ADGRV1: variants seen among roughly 807,000 people sequenced by gnomAD.
The protein encoded by ADGRV1 is G-protein coupled receptor 98.
ADGRV1 carries 359 observed loss-of-function variants against 596.2 expected under a neutral mutation model. The observed-to-expected ratio is 0.60, with a 90% confidence interval of 0.55 to 0.66. ADGRV1 has a LOEUF of 0.66. ADGRV1 is among the 30% of genes least tolerant of loss of function. ADGRV1 has a pLI of 0.00. For missense variants in ADGRV1, 7,274 were observed against 7,575.6 expected, an observed-to-expected ratio of 0.96 and a Z score of 1.48; for synonymous variants, 2,681 against 2,679.2, an observed-to-expected ratio of 1.00 and a Z score of -0.02.
intron 83 of ADGRV1, among the ~76,000 whole-genome samples, chr5:90,880,714 A>G (rs181524891): frequency 6.6e-6 from 1 of 152,226 alleles, no homozygotes; most frequent in Non-Finnish European, 1.5e-5. Context: ...TTCTCTGAAC[A>G]TTGTGGAATT....
intron 83 of ADGRV1, among the ~76,000 whole-genome samples, chr5:90,947,595 G>A (rs1776696021): frequency 6.6e-6 from 1 of 151,694 alleles, no homozygotes; most frequent in Admixed American, 6.6e-5. Flanking sequence ...AGTATTGATG[G>A]ATGAAAGTGG....
chr5:90,684,322 A>AC lies in ADGRV1; in HGVS notation c.6274+128dup, dbSNP rs1745329797. On this transcript the variant is annotated intron_variant, in intron 28 of 89. Transcript: ENST00000405460. The stretch of plus-strand genomic sequence containing the variant: ...ACTCTAACTTTGAAAATGTCCTCTT[A>AC]CAACAGTTTACCTGTAAGGTAACTG... 1.0e-5 allele frequency: 9 copies of AC among 865,182 alleles called. No homozygotes were observed. The South Asian group carries it at 1.9e-4, about 19-fold the overall frequency. 53.6% of individuals were successfully genotyped at this position (865,182 alleles called of 1,614,324 possible).
At chr5:91,116,462 C>G (rs1364949594) in intron 87 of ADGRV1, among the ~76,000 whole-genome samples, 1 of 152,190 alleles carries the variant, frequency 6.6e-6, no homozygotes, top group Non-Finnish European at 1.5e-5. Context: ...CTGCCTTTCT[C>G]TTGTCCCTAA....
Position 90,986,052 on chromosome 5 carries a change from A to T in ADGRV1, c.18152+530A>T, listed in dbSNP as rs367639838. 1.3e-4 allele frequency among the ~76,000 whole-genome samples: 19 copies of T among 148,596 alleles called. No homozygotes were observed. In the South Asian group the frequency reaches 3.4e-3, roughly 27 times the overall value. Reference sequence around the variant, plus strand: ...ATACCCTTTTAATCTTGAAATCTTAACACTTTTTTATGTACATATGCACAT... The same window carrying T: ...ATACCCTTTTAATCTTGAAATCTTATCACTTTTTTATGTACATATGCACAT... On this transcript the variant is annotated intron_variant, in intron 85 of 89. Transcript: ENST00000405460.
intron 83 of ADGRV1, among the ~76,000 whole-genome samples, chr5:90,928,118 G>C (rs1020057696): frequency 2.6e-5 from 4 of 152,046 alleles, no homozygotes; most frequent in Non-Finnish European, 4.4e-5. Flanking sequence ...TCTTGAAGTT[G>C]CTCTTCTCGA....
chr5:90,683,152 C>A (rs550096216), intron 27 of ADGRV1, among the ~76,000 whole-genome samples: 3 of 151,986 alleles, frequency 2.0e-5, no homozygotes, highest in African/African-American at 7.2e-5. Flanking sequence ...ATAGAAGCTA[C>A]GTTTTTTTCA....
chr5:90,821,433 A>G (rs1298819628), intron 75 of ADGRV1, among the ~76,000 whole-genome samples: 10 of 151,790 alleles, frequency 6.6e-5, no homozygotes, highest in African/African-American at 2.4e-4. Context: ...GTCATTCTCC[A>G]TCCAGCTTTG....
rs530258357 is a variant in ADGRV1 at position 90,599,835 on chromosome 5, G to A, written c.23-15000G>A. ...TGGAAATGTTTGTAATCCAGGCTTAGGTTTTACAAGTTTCAAATTGATGGA... is the reference window on the plus strand; with the variant it reads ...TGGAAATGTTTGTAATCCAGGCTTAAGTTTTACAAGTTTCAAATTGATGGA... On this transcript the variant is annotated intron_variant, in intron 1 of 89. Coordinates refer to ENST00000405460, the MANE Select transcript of ADGRV1 (RefSeq NM_032119.4). Among the ~76,000 whole-genome samples, 11 of 152,250 alleles carry A rather than the reference G, an allele frequency of 7.2e-5. No individual in the cohort carries two copies. In the East Asian group the frequency reaches 2.1e-3, roughly 29 times the overall value.
chr5:90,972,850 T>A (rs1217267058), intron 84 of ADGRV1, among the ~76,000 whole-genome samples: 1 of 151,342 alleles, frequency 6.6e-6, no homozygotes, highest in East Asian at 1.9e-4. Flanking sequence ...ATAACTAAGA[T>A]CAGAGCAGAA....
intron 86 of ADGRV1, among the ~76,000 whole-genome samples, chr5:91,079,042 G>A (rs1391203876): frequency 6.6e-6 from 1 of 152,014 alleles, no homozygotes; most frequent in Non-Finnish European, 1.5e-5. Flanking sequence ...TTTTCCTAAA[G>A]CAGAATTGGG....
chr5:90,792,066 A>T (rs1407557237), intron 70 of ADGRV1: 1 of 152,156 alleles, frequency 6.6e-6, no homozygotes, highest in Non-Finnish European at 1.5e-5. Context: ...TGGCATTGGG[A>T]TTAATTATCT....
At chr5:91,135,656 T>G (rs1484643373) in intron 87 of ADGRV1, among the ~76,000 whole-genome samples, 1 of 152,210 alleles carries the variant, frequency 6.6e-6, no homozygotes, top group African/African-American at 2.4e-5. Context: ...CAATACAGGC[T>G]TTTCTGGAGT....
chr5:90,692,341 C>G (rs952138258), intron 31 of ADGRV1, among the ~76,000 whole-genome samples: 11 of 151,936 alleles, frequency 7.2e-5, no homozygotes, highest in African/African-American at 2.7e-4. Context: ...AATTGAGTCA[C>G]ATGATTATAT....
intron 83 of ADGRV1, among the ~76,000 whole-genome samples, chr5:90,942,024 A>G (rs377079582): frequency 6.6e-6 from 1 of 152,190 alleles, no homozygotes; most frequent in African/African-American, 2.4e-5. Flanking sequence ...GGGGTAAGGA[A>G]TTGTCCAGAA....
At chr5:91,093,796 A>T (rs926811064) in intron 86 of ADGRV1, among the ~76,000 whole-genome samples, 2 of 152,086 alleles carry the variant, frequency 1.3e-5, no homozygotes, top group African/African-American at 4.8e-5. Flanking sequence ...GAAAATACAT[A>T]TAAACATGAA....
At chr5:90,609,182 C>T (rs1423402254) in intron 1 of ADGRV1, among the ~76,000 whole-genome samples, 1 of 151,952 alleles carries the variant, frequency 6.6e-6, no homozygotes, top group Non-Finnish European at 1.5e-5. Flanking sequence ...AAGTTGATAA[C>T]TGGGATTGAC....
At chr5:91,076,542 A>G (rs922083452) in intron 86 of ADGRV1, among the ~76,000 whole-genome samples, 1 of 152,178 alleles carries the variant, frequency 6.6e-6, no homozygotes, top group Non-Finnish European at 1.5e-5. Context: ...ACAAAATTAT[A>G]TAACTGTAAA....
intron 1 of ADGRV1, among the ~76,000 whole-genome samples, chr5:90,606,318 G>C (rs551096777): frequency 6.6e-6 from 1 of 152,208 alleles, no homozygotes; most frequent in African/African-American, 2.4e-5. Context: ...ACTCTAAGAT[G>C]GTGGGTTAAT....
chr5:90,652,309 T>C (rs980003495), intron 18 of ADGRV1, 37 bp from the exon 19 acceptor site: 2 of 1,422,050 alleles, frequency 1.4e-6, no homozygotes, highest in Admixed American at 4.1e-5. Flanking sequence ...TAGAGTAAGA[T>C]TCACTACTTA....
Sources: gnomAD v4.1 joint callset for allele counts (sites outside exome capture counted in the v4.1 genomes callset) on GRCh38, gnomAD v4.1.1 for gene constraint, MANE v1.5 for transcripts, NCBI Gene and HGNC (gene_info 2026-07-23, HGNC 2026-07-21) for gene names.